The following STT3B variants were observed in gnomAD, a reference collection of about 807,000 sequenced individuals.
STT3B encodes the protein dolichyl-diphosphooligosaccharide--protein glycosyltransferase subunit STT3B.
Under a neutral mutation model 96.8 loss-of-function variants are expected in STT3B, and 29 were observed. The observed-to-expected ratio is 0.30, with a 90% CI of 0.22 to 0.41. STT3B has a LOEUF of 0.41. Ranked by LOEUF, STT3B falls within the 10% of genes least tolerant of loss-of-function variation. The pLI is 1.00. For missense variants in STT3B, 640 were observed against 1,022.3 expected (o/e 0.63, Z 5.10); for synonymous variants, 367 against 360.0 (o/e 1.02, Z -0.22).
At position 31,599,794 on chromosome 3, in the gene STT3B, A is replaced by G. The variant is rs145734710; in HGVS notation, c.778-566A>G. ...TCTGGCTAAATAGTGTATATTGTATAAGCCAAAGATTAAAATGGGATCTTG... is the reference window on the plus strand; with the variant it reads ...TCTGGCTAAATAGTGTATATTGTATGAGCCAAAGATTAAAATGGGATCTTG... On this transcript the variant is annotated intron_variant, in intron 4 of 15. Coordinates refer to ENST00000295770, the MANE Select transcript of STT3B (RefSeq NM_178862.3). Among the ~76,000 whole-genome samples, 38 of 152,338 alleles carry G rather than the reference A, an allele frequency of 2.5e-4. 1 individual carries two copies. The highest frequency in any genetic ancestry group is 8.7e-4 in the African/African-American group (36 of 41,596).
In STT3B at chr3:31,532,972, G is replaced by A. The variant is rs1392039521; in HGVS notation, c.-27G>A. ...ACCAGGCGGCGGCGGCGGAGGAGGA[G>A]AGCTAGACCCGCCGCCGGGGCACAA... On this transcript the variant is annotated 5_prime_UTR_variant, in exon 1 of 16. Coordinates refer to ENST00000295770, the MANE Select transcript of STT3B (RefSeq NM_178862.3). 1 of 1,576,176 alleles carries A rather than the reference G, an allele frequency of 6.3e-7. No individual in the cohort carries two copies. The highest frequency in any genetic ancestry group is 8.6e-7 in the Non-Finnish European group (1 of 1,163,460).
chr3:31,619,433 C>T (rs1699381540), intron 8 of STT3B, among the ~76,000 whole-genome samples: 1 of 152,078 alleles, frequency 6.6e-6, no homozygotes, highest in African/African-American at 2.4e-5. Context: ...AATTCAGAGC[C>T]AACATTCTCA....
intron 1 of STT3B, among the ~76,000 whole-genome samples, chr3:31,553,279 C>A (rs1038920124): frequency 1.3e-5 from 2 of 151,966 alleles, no homozygotes; most frequent in African/African-American, 2.4e-5. Context: ...GAAGTGAAAA[C>A]CTGTGTCCTT....
intron 3 of STT3B, among the ~76,000 whole-genome samples, chr3:31,596,456 G>T (rs183372157): frequency 1.3e-5 from 2 of 152,208 alleles, no homozygotes; most frequent in Admixed American, 1.3e-4. Flanking sequence ...TAAGGAGAAG[G>T]GGTAGGAGGT....
At chr3:31,601,079 G>A (rs991758187) in intron 5 of STT3B, among the ~76,000 whole-genome samples, 1 of 151,932 alleles carries the variant, frequency 6.6e-6, no homozygotes, top group South Asian at 2.1e-4. Context: ...TAATGTTTTT[G>A]GAAAACAATA....
intron 2 of STT3B, among the ~76,000 whole-genome samples, chr3:31,578,236 C>G (rs1465708565): frequency 6.6e-6 from 1 of 152,082 alleles, no homozygotes; most frequent in Non-Finnish European, 1.5e-5. Context: ...ACTCTGATCC[C>G]TGTGTTGGGT....
rs186033853 is a variant in STT3B at position 31,630,628 on chromosome 3, A to C, written c.2187+1217A>C. On this transcript the variant is annotated intron_variant, in intron 14 of 15. Coordinates refer to ENST00000295770, the MANE Select transcript of STT3B (RefSeq NM_178862.3). ...ATCTTCATACTATTAGTTTCACTGAAAACTGCTTATTTCTGTATTGCTCTC... is the reference window on the plus strand; with the variant it reads ...ATCTTCATACTATTAGTTTCACTGACAACTGCTTATTTCTGTATTGCTCTC... Among the ~76,000 whole-genome samples the C allele has an allele frequency of 5.7e-4, 87 of 152,302 alleles. 1 individual carries two copies. The highest frequency in any genetic ancestry group is 3.3e-3 in the Admixed American group (50 of 15,300).
chr3:31,580,192 T>A, intron 3 of STT3B, 96 bp downstream of exon 3: 1 of 1,202,438 alleles, frequency 8.3e-7, no homozygotes, highest in Non-Finnish European at 1.2e-6. Context: ...ACAAATTATG[T>A]AGTTGCGTAC....
intron 4 of STT3B, among the ~76,000 whole-genome samples, chr3:31,599,114 CAT>C (rs1559380830): frequency 6.6e-6 from 1 of 152,130 alleles, no homozygotes; most frequent in African/African-American, 2.4e-5. Flanking sequence ...CAGCCACCTA[CAT>C]ATTTTTTTAA....
chr3:31,627,038 T>C (rs1261801526), intron 13 of STT3B, among the ~76,000 whole-genome samples: 3 of 152,160 alleles, frequency 2.0e-5, no homozygotes, highest in Non-Finnish European at 1.5e-5. Context: ...TACCACAGAC[T>C]TGCCCCCTCT....
At chr3:31,606,548 G>A (rs1699058940) in intron 5 of STT3B, among the ~76,000 whole-genome samples, 1 of 152,220 alleles carries the variant, frequency 6.6e-6, no homozygotes, top group Admixed American at 6.5e-5. Context: ...GCTTCCACAT[G>A]GTGTTGAGCT....
At chr3:31,590,142 T>A (rs529296037) in intron 3 of STT3B, among the ~76,000 whole-genome samples, 1 of 152,036 alleles carries the variant, frequency 6.6e-6, no homozygotes, top group Non-Finnish European at 1.5e-5. Context: ...TTCATAATAT[T>A]TCTTTATAAG....
chr3:31,567,223 T>C (rs1698027081), intron 1 of STT3B, among the ~76,000 whole-genome samples: 1 of 152,168 alleles, frequency 6.6e-6, no homozygotes, highest in African/African-American at 2.4e-5. Context: ...TGTGTTGAAA[T>C]GTAATACTTG....
At chr3:31,620,284 A>G (rs1699397638) in intron 9 of STT3B, 2 of 153,362 alleles carry the variant, frequency 1.3e-5, no homozygotes, top group Admixed American at 6.4e-5. Flanking sequence ...CAAAAAAAAA[A>G]AAAAAAAGAA....
At position 31,625,942 on chromosome 3, in the gene STT3B, T is replaced by C; in HGVS notation, c.1900-12T>C. On this transcript the variant is annotated splice_polypyrimidine_tract_variant and intron_variant, in intron 12 of 15. Transcript: ENST00000295770. ...AATCAAAAACATTCTCATTTTTTTT[T>C]AAATTCTGCAGGTGGGAAAAGCTAT... 1.3e-6 allele frequency: 2 copies of C among 1,556,596 alleles called. No homozygotes were observed. The highest frequency in any genetic ancestry group is 1.7e-6 in the Non-Finnish European group (2 of 1,155,740).
At chr3:31,612,111 C>G (rs984589035) in intron 5 of STT3B, among the ~76,000 whole-genome samples, 1 of 152,096 alleles carries the variant, frequency 6.6e-6, no homozygotes, top group Non-Finnish European at 1.5e-5. Flanking sequence ...TTCACTGGAG[C>G]GTTTCCTGTT....
intron 9 of STT3B, among the ~76,000 whole-genome samples, chr3:31,620,731 CTG>C (rs939519679): frequency 6.6e-6 from 1 of 152,184 alleles, no homozygotes; most frequent in Non-Finnish European, 1.5e-5. Flanking sequence ...GAGATAAAAA[CTG>C]AAACTGAGAA....
chr3:31,567,531 C>T (rs560010148), intron 1 of STT3B, among the ~76,000 whole-genome samples: 1 of 152,082 alleles, frequency 6.6e-6, no homozygotes, highest in Non-Finnish European at 1.5e-5. Flanking sequence ...ATTGTTCTTC[C>T]ACTTAATTTA....
chr3:31,557,972 C>G (rs1697764378), intron 1 of STT3B, among the ~76,000 whole-genome samples: 1 of 152,164 alleles, frequency 6.6e-6, no homozygotes, highest in Admixed American at 6.5e-5. Flanking sequence ...TCTTTCTCAG[C>G]TAGTTTGTCA....
Sources: allele counts gnomAD v4.1 joint callset (sites outside exome capture counted in the v4.1 genomes callset), GRCh38; gene constraint gnomAD v4.1.1; transcripts MANE v1.5; gene names NCBI Gene and HGNC (gene_info 2026-07-23, HGNC 2026-07-21).